LAMC3: variants seen among roughly 807,000 people sequenced by gnomAD.
The protein encoded by LAMC3 is laminin subunit gamma-3.
LAMC3 carries 128 observed loss-of-function variants against 173.8 expected under a neutral mutation model. The ratio of observed to expected loss-of-function variants is 0.74; its 90% CI spans 0.64 to 0.85. The LOEUF (loss-of-function observed/expected upper bound fraction) is 0.85. Among genes scored for constraint, LAMC3 ranks in the 40% least tolerant of loss-of-function variants. The pLI is 0.00. For missense variants in LAMC3, 2,022 were observed against 2,156.0 expected, an observed-to-expected ratio of 0.94 and a Z score of 1.23; for synonymous variants, 897 against 909.1, an observed-to-expected ratio of 0.99 and a Z score of 0.24.
intron 18 of LAMC3, 53 bp downstream of exon 18, chr9:131,071,678 G>C (rs1041106354): frequency 2.0e-6 from 3 of 1,495,700 alleles, no homozygotes; most frequent in African/African-American, 2.8e-5. Context: ...GGCCCCCAGC[G>C]CCTGCAGTCT....
In LAMC3 at chr9:131,094,323, T is replaced by A. The variant is rs818052; in HGVS notation, c.*2536T>A. 0.45 allele frequency: 67,832 copies of A among 151,982 alleles called. 16,236 individuals are homozygous for A. The highest frequency in any genetic ancestry group is 0.58 in the East Asian group (2,973 of 5,166). The allele number at this position is 151,982 out of a possible 1,614,324, so 9.4% of individuals were successfully genotyped here. On this transcript the variant is annotated 3_prime_UTR_variant, in exon 28 of 28. Transcript: ENST00000361069. ...CAACCCCCGTTCAGGATAATGAGGATCTCTGGATCTAAGGCCAATAATGGA... is the reference window on the plus strand; with the variant it reads ...CAACCCCCGTTCAGGATAATGAGGAACTCTGGATCTAAGGCCAATAATGGA...
Position 131,026,665 on chromosome 9 carries a change from C to T in LAMC3, c.678+76C>T. 1 of 1,457,392 alleles carries T rather than the reference C, an allele frequency of 6.9e-7. No individual in the cohort carries two copies. Among genetic ancestry groups the T allele is most frequent in the South Asian group, 1.4e-5 (1 of 70,402 alleles). The allele number at this position is 1,457,392 out of a possible 1,614,324, so 90.3% of individuals were successfully genotyped here. ...ACGGCAGTAGGAGGGTCTGATGTGC[C>T]AGGACACACAGGGTGGGGGACCTGC... is the stretch of plus-strand genomic sequence containing the variant. On this transcript the variant is annotated intron_variant, in intron 2 of 27. Coordinates refer to ENST00000361069, the MANE Select transcript of LAMC3 (RefSeq NM_006059.4). The surrounding 1 kb of genome is among the most constrained non-coding windows in gnomAD (Gnocchi z 4.8).
chr9:131,075,786 T>C (rs957353247), intron 20 of LAMC3, 45 bp from the exon 21 acceptor site: 6 of 1,582,718 alleles, frequency 3.8e-6, no homozygotes, highest in Admixed American at 1.8e-5. Flanking sequence ...CTGGGCCCCT[T>C]CCCTGCGAGC....
chr9:131,082,166 G>T lies in LAMC3; in HGVS notation c.4030+5G>T, dbSNP rs774498189. The T allele has an allele frequency of 1.2e-6, 2 of 1,605,906 alleles. No homozygotes were observed. The highest frequency in any genetic ancestry group is 1.7e-6 in the Non-Finnish European group (2 of 1,173,456). On this transcript the variant is annotated splice_donor_5th_base_variant and intron_variant, in intron 24 of 27. Transcript: ENST00000361069. ...CTCTGCTGGCTGATCTGGAAGGTAC[G>T]TGAGTCCAGCTGACCACTAGGCTGT...
chr9:131,042,490 C>A (rs1040328616), intron 7 of LAMC3, among the ~76,000 whole-genome samples: 6 of 150,822 alleles, frequency 4.0e-5, no homozygotes, highest in Non-Finnish European at 5.9e-5. Flanking sequence ...TTCACACTCA[C>A]GGCCAACATC....
chr9:131,068,981 G>A lies in LAMC3; in HGVS notation c.2821G>A (p.Gly941Ser). Residue 941 changes from glycine to serine, a missense_variant, in exon 16 of 28, where the codon GGT (glycine) becomes AGT (serine). Physicochemically the swap from Gly to Ser is moderately conservative, Grantham distance 56. Coordinates refer to ENST00000361069, the MANE Select transcript of LAMC3 (RefSeq NM_006059.4). ...GACTGGACAGTGCACCTGCCGCCCA[G>A]GTGTCACAGGCCAGGCCTGTGACAG... is the stretch of plus-strand genomic sequence containing the variant. ...PKTGQCTCRPGVTGQACDRCQ... is the reference protein window; with the variant it reads ...PKTGQCTCRPSVTGQACDRCQ... 1.2e-6 allele frequency: 2 copies of A among 1,614,092 alleles called. No homozygotes were observed. Among genetic ancestry groups the A allele is most frequent in the Non-Finnish European group, 1.7e-6 (2 of 1,180,002 alleles).
chr9:131,078,441 C>T (rs995118204), intron 22 of LAMC3, among the ~76,000 whole-genome samples: 12 of 152,084 alleles, frequency 7.9e-5, no homozygotes, highest in African/African-American at 2.4e-4. Flanking sequence ...GCTGAGATTG[C>T]GCCACTGCAC....
Position 131,032,080 on chromosome 9 carries a change from A to G in LAMC3, c.714A>G (p.Leu238=), listed in dbSNP as rs1588142567. 3 of 1,613,940 alleles carry G rather than the reference A, an allele frequency of 1.9e-6. No individual in the cohort carries two copies. Among genetic ancestry groups the G allele is most frequent in the Non-Finnish European group, 2.5e-6 (3 of 1,179,998 alleles). Residue 238 remains leucine (L), a synonymous_variant, in exon 3 of 28, where the codon CTA becomes CTG. Coordinates refer to ENST00000361069, the MANE Select transcript of LAMC3 (RefSeq NM_006059.4). ...WVTSTELLIS[L]DRLNTFGDDI... ...CCAGCACCGAACTCCTCATCTCTCT[A>G]GACCGGCTCAACACGTTTGGGGACG...
intron 23 of LAMC3, among the ~76,000 whole-genome samples, chr9:131,080,848 G>A (rs1830226145): frequency 6.6e-6 from 1 of 152,070 alleles, no homozygotes; most frequent in South Asian, 2.1e-4. Context: ...CCCACCCCAT[G>A]AGCAATCAGA....
At position 131,077,231 on chromosome 9, in the gene LAMC3, T is replaced by C. The variant is rs138481447; in HGVS notation, c.3674T>C (p.Val1225Ala). 1,723 of 1,613,992 alleles carry C rather than the reference T, an allele frequency of 1.1e-3. 3 individuals are homozygous for C. Among genetic ancestry groups the C allele is most frequent in the Non-Finnish European group, 1.4e-3 (1,623 of 1,180,034 alleles). The change falls in exon 22 of 28, where the codon GTG becomes GCG. Residue 1225 changes from valine (V) to alanine (A), a missense_variant. Val to Ala is a moderately conservative substitution (Grantham distance 64). Coordinates refer to ENST00000361069, the MANE Select transcript of LAMC3 (RefSeq NM_006059.4). ...QAAQKALRTA[V>A]AEVLPEAESV... is the part of the protein sequence containing the mutation. ...GCCCAGAAAGCACTGAGGACGGCTG[T>C]GGCAGAGGTGCTGCCTGAAGCGGAA...
At chr9:131,079,974 T>C (rs956973793) in intron 23 of LAMC3, among the ~76,000 whole-genome samples, 7 of 152,218 alleles carry the variant, frequency 4.6e-5, no homozygotes, top group African/African-American at 1.7e-4. Flanking sequence ...CCGATAATTT[T>C]GTTTTTAATT....
chr9:131,055,581 C>T (rs996463109), intron 11 of LAMC3, among the ~76,000 whole-genome samples: 4 of 151,530 alleles, frequency 2.6e-5, no homozygotes, highest in Non-Finnish European at 5.9e-5. Flanking sequence ...CCCGCCACCA[C>T]GCCCGGCTAA....
chr9:131,024,743 G>A (rs1330451526), intron 1 of LAMC3, among the ~76,000 whole-genome samples: 1 of 152,198 alleles, frequency 6.6e-6, no homozygotes, highest in Non-Finnish European at 1.5e-5. Context: ...CCTGCCAGGT[G>A]TCAGGCACCT....
intron 3 of LAMC3, among the ~76,000 whole-genome samples, chr9:131,032,531 GCTGTCTCTCTCT>G (rs1333476781): frequency 4.9e-5 from 3 of 60,940 alleles, no homozygotes; most frequent in Admixed American, 1.7e-4. Flanking sequence ...GCTCTCTCTC[GCTGTCTCTCTCT>G]CTTGCTCTCT....
Position 131,021,922 on chromosome 9 carries a change from C to T in LAMC3, c.374-4363C>T, listed in dbSNP as rs569836888. On this transcript the variant is annotated intron_variant, in intron 1 of 27. Coordinates refer to ENST00000361069, the MANE Select transcript of LAMC3 (RefSeq NM_006059.4). ...AAGGGACGGGAGCTTCCATGCCCTC[C>T]CTGGGTGCCACCCTCCAGGAACCTC... Among the ~76,000 whole-genome samples the T allele has an allele frequency of 1.7e-3, 265 of 152,266 alleles. 1 individual carries two copies. Among genetic ancestry groups the T allele is most frequent in the Non-Finnish European group, 2.5e-3 (169 of 68,018 alleles).
chr9:131,079,407 C>T, intron 23 of LAMC3, 109 bp downstream of exon 23: 1 of 1,379,490 alleles, frequency 7.2e-7, no homozygotes, highest in Non-Finnish European at 1.0e-6. Flanking sequence ...AGAAGTAGCT[C>T]TGTCCGGCCG....
intron 21 of LAMC3, among the ~76,000 whole-genome samples, chr9:131,076,428 CT>C (rs5900918): frequency 0.14 from 21,884 of 152,116 alleles, 1,675 homozygotes; most frequent in South Asian, 0.2. Flanking sequence ...CAGCATCTTG[CT>C]TGAGCCCCTT....
chr9:131,021,628 C>G lies in LAMC3; in HGVS notation c.374-4657C>G, dbSNP rs898565440. On this transcript the variant is annotated intron_variant, in intron 1 of 27. Coordinates refer to ENST00000361069, the MANE Select transcript of LAMC3 (RefSeq NM_006059.4). Reference sequence around the variant, plus strand: ...GGTACCAGCTGGGTGTCCTCTAATTCAGTTCCAACACGATCTAGTCAGAGA... The same window carrying G: ...GGTACCAGCTGGGTGTCCTCTAATTGAGTTCCAACACGATCTAGTCAGAGA... Among the ~76,000 whole-genome samples, 5 of 152,158 alleles carry G rather than the reference C, an allele frequency of 3.3e-5. No individual in the cohort carries two copies. In the South Asian group the frequency reaches 6.2e-4, roughly 19 times the overall value.
Position 131,091,769 on chromosome 9 carries a change from C to G in LAMC3, c.4710C>G (p.Asn1570Lys), listed in dbSNP as rs1830432126. 1.9e-6 allele frequency: 3 copies of G among 1,612,786 alleles called. No homozygotes were observed. The highest frequency in any genetic ancestry group is 2.2e-5 in the East Asian group (1 of 44,900). ...CCATTCTGCACAGCCTGCCCGAGAA[C>G]TGTGCCAGCTGGCAGTGAGGGCTGC... ...LEAILHSLPE[N>K]CASWQ Residue 1570 changes from asparagine (N) to lysine (K), a missense_variant, in exon 28 of 28, where the codon AAC (asparagine) becomes AAG (lysine). Transcript: ENST00000361069.
Sources: allele counts gnomAD v4.1 joint callset (sites outside exome capture counted in the v4.1 genomes callset), GRCh38; gene constraint gnomAD v4.1.1; non-coding constraint Gnocchi (gnomAD v3.1); transcripts MANE v1.5; gene names NCBI Gene and HGNC (gene_info 2026-07-23, HGNC 2026-07-21).